The following NCOA2 variants were observed in gnomAD, a reference collection of about 807,000 sequenced individuals.
NCOA2 encodes the protein nuclear receptor coactivator 2, also known as class E basic helix-loop-helix protein 75.
In NCOA2, 21 loss-of-function variants were observed where a neutral mutation model predicts 145.1. The ratio of observed to expected loss-of-function variants is 0.14; its 90% CI spans 0.10 to 0.21. NCOA2 has a LOEUF of 0.21. Among genes scored for constraint, NCOA2 ranks in the 10% least tolerant of loss-of-function variants. The pLI is 1.00. For synonymous variants in NCOA2, 619 were observed against 637.5 expected (o/e 0.97, Z 0.44); for missense variants, 1,472 against 1,837.6 (o/e 0.80, Z 3.64).
intron 1 of NCOA2, among the ~76,000 whole-genome samples, chr8:70,388,206 T>G (rs1029513845): frequency 6.6e-6 from 1 of 152,214 alleles, no homozygotes; most frequent in Admixed American, 6.5e-5. Flanking sequence ...TTCCCTATAT[T>G]CAAAATAAAT....
At position 70,144,653 on chromosome 8, in the gene NCOA2, T is replaced by C. The variant is rs748956252; in HGVS notation, c.2801A>G (p.Asn934Ser). 3.1e-6 allele frequency: 5 copies of C among 1,613,656 alleles called. No individual in the cohort carries two copies. In the South Asian group the frequency reaches 3.3e-5, roughly 11 times the overall value. The change falls in exon 13 of 23, where the codon AAC becomes AGC. Residue 934 changes from asparagine (N) to serine (S), a missense_variant. Physicochemically the swap from Asn to Ser is conservative, Grantham distance 46 (BLOSUM62 1). Transcript: ENST00000452400. ...GMIGNQGNLGNSSTGMIGNSA... is the reference protein window; with the variant it reads ...GMIGNQGNLGSSSTGMIGNSA... ...ATTTGACCCCTTACCTGTGCTACTG[T>C]TCCCTAAATTTCCTTGGTTTCCTAT...
intron 2 of NCOA2, among the ~76,000 whole-genome samples, chr8:70,217,633 T>A (rs1000863665): frequency 6.6e-6 from 1 of 151,246 alleles, no homozygotes; most frequent in Non-Finnish European, 1.5e-5. Context: ...TAAAAAAAAA[T>A]GTAAGAAAAT....
intron 1 of NCOA2, among the ~76,000 whole-genome samples, chr8:70,306,708 G>A (rs533463861): frequency 4.6e-5 from 7 of 152,080 alleles, no homozygotes; most frequent in South Asian, 2.1e-4. Context: ...GCGAAACGTC[G>A]TCTCTACAAA....
At chr8:70,219,123 C>T (rs1819911810) in intron 2 of NCOA2, among the ~76,000 whole-genome samples, 1 of 152,104 alleles carries the variant, frequency 6.6e-6, no homozygotes, top group South Asian at 2.1e-4. Flanking sequence ...AGCACTGGGA[C>T]ATAGGGACCA....
intron 10 of NCOA2, among the ~76,000 whole-genome samples, chr8:70,159,242 A>ATATATATATATATATATATTTTT: frequency 8.2e-5 from 5 of 61,078 alleles, no homozygotes; most frequent in African/African-American, 2.7e-4. Context: ...ATATATATAT[A>ATATATATATATATATATATTTTT]TTTTTTTTTT....
chr8:70,316,282 T>C (rs890443801), intron 1 of NCOA2, among the ~76,000 whole-genome samples: 1 of 152,258 alleles, frequency 6.6e-6, no homozygotes, highest in African/African-American at 2.4e-5. Context: ...AACTGGTTTA[T>C]GAGGGCTCAA....
At chr8:70,171,449 T>C (rs966366246) in intron 5 of NCOA2, among the ~76,000 whole-genome samples, 17 of 152,286 alleles carry the variant, frequency 1.1e-4, no homozygotes, top group African/African-American at 4.1e-4. Flanking sequence ...TCACCCCTAA[T>C]CCACTTCCCA....
chr8:70,420,766 TC>T, the NCOA2 span, among the ~76,000 whole-genome samples: 1 of 152,086 alleles, frequency 6.6e-6, no homozygotes, highest in Admixed American at 6.5e-5. Context: ...TGCCTCAGCC[TC>T]CCGAGTAGCT....
chr8:70,129,648 G>A (rs145280883), intron 16 of NCOA2, among the ~76,000 whole-genome samples: 371 of 151,850 alleles, frequency 2.4e-3, no homozygotes, highest in Middle Eastern at 0.021. Context: ...TTACCTACTA[G>A]ACATGGTTTA....
At chr8:70,124,582 G>A (rs560866585) in intron 20 of NCOA2, 106 bp downstream of exon 20, 46 of 1,166,930 alleles carry the variant, frequency 3.9e-5, no homozygotes, top group Middle Eastern at 3.0e-4. Flanking sequence ...TTATCACTAC[G>A]TTTGATAAAA....
intron 2 of NCOA2, among the ~76,000 whole-genome samples, chr8:70,254,444 T>C (rs1470512019): frequency 1.3e-5 from 2 of 152,142 alleles, no homozygotes; most frequent in Non-Finnish European, 2.9e-5. Flanking sequence ...TTATTCACAA[T>C]AGCCAAAAGG....
the NCOA2 span, among the ~76,000 whole-genome samples, chr8:70,426,344 A>T: frequency 6.6e-6 from 1 of 152,242 alleles, no homozygotes; most frequent in Non-Finnish European, 1.5e-5. Flanking sequence ...ACTGCCTTTC[A>T]ACAGATCAGT....
intron 22 of NCOA2, among the ~76,000 whole-genome samples, chr8:70,116,544 C>T (rs1807154498): frequency 6.7e-6 from 1 of 149,958 alleles, no homozygotes. Context: ...CAGAGTCCGT[C>T]TCAAAAAAAA....
the NCOA2 span, among the ~76,000 whole-genome samples, chr8:70,432,449 G>C: frequency 1.3e-5 from 2 of 152,136 alleles, no homozygotes; most frequent in Admixed American, 1.3e-4. Flanking sequence ...ATTGCTTGAG[G>C]CCAGGGGTTT....
intron 1 of NCOA2, among the ~76,000 whole-genome samples, chr8:70,336,505 A>C (rs1807601880): frequency 6.6e-6 from 1 of 152,198 alleles, no homozygotes; most frequent in Non-Finnish European, 1.5e-5. Context: ...GGTTTAATTG[A>C]ATCACAGTTC....
At chr8:70,258,571 A>C (rs986967870) in intron 2 of NCOA2, among the ~76,000 whole-genome samples, 2 of 152,078 alleles carry the variant, frequency 1.3e-5, no homozygotes, top group Non-Finnish European at 2.9e-5. Flanking sequence ...TTCAAATCCA[A>C]TCAATTTCCA....
rs1283523633 is a variant in NCOA2, at chr8:70,159,628, C to T, written c.1001G>A (p.Ser334Asn). 3 of 1,612,342 alleles carry T rather than the reference C, an allele frequency of 1.9e-6. No individual in the cohort carries two copies. Among genetic ancestry groups the T allele is most frequent in the Non-Finnish European group, 2.5e-6 (3 of 1,178,758 alleles). Reference sequence around the variant, plus strand: ...AGACAAGGAAAAACGATAGATTTGACTGAATGCCAATCCTTGTCTCAGTAC... The same window carrying T: ...AGACAAGGAAAAACGATAGATTTGATTGAATGCCAATCCTTGTCTCAGTAC... ...HEVLRQGLAF[S>N]QIYRFSLSDG... Residue 334 changes from serine to asparagine, a missense_variant, in exon 10 of 23, where the codon AGT (serine) becomes AAT (asparagine). Coordinates refer to ENST00000452400, the MANE Select transcript of NCOA2 (RefSeq NM_006540.4).
chr8:70,314,204 A>AAAAAAAAAAAAAAG (rs1805378210), intron 1 of NCOA2, among the ~76,000 whole-genome samples: 1 of 145,644 alleles, frequency 6.9e-6, no homozygotes, highest in African/African-American at 2.6e-5. Flanking sequence ...AAAAAAAAAA[A>AAAAAAAAAAAAAAG]AAAAGCAACT....
intron 1 of NCOA2, among the ~76,000 whole-genome samples, chr8:70,383,076 G>A (rs1812353706): frequency 6.6e-6 from 1 of 152,196 alleles, no homozygotes; most frequent in Non-Finnish European, 1.5e-5. Context: ...GCATCTACCT[G>A]AAAGGGTGAA....
Sources: allele counts gnomAD v4.1 joint callset (sites outside exome capture counted in the v4.1 genomes callset), GRCh38; gene constraint gnomAD v4.1.1; transcripts MANE v1.5; gene names NCBI Gene and HGNC (gene_info 2026-07-23, HGNC 2026-07-21).